Variants in LAMA3 observed in about 807,000 individuals in gnomAD.
The protein encoded by LAMA3 is laminin subunit alpha 3.
In LAMA3, 281 loss-of-function variants were observed where a neutral mutation model predicts 402.0. The observed-to-expected ratio is 0.70, with a 90% CI of 0.63 to 0.77. The LOEUF (loss-of-function observed/expected upper bound fraction) is 0.77. LAMA3 is among the 30% of genes least tolerant of loss of function. The probability of loss-of-function intolerance (pLI) is 0.00; values close to 1 mark genes in which losing one functional copy is unlikely to be tolerated. For missense variants in LAMA3, 3,840 were observed against 4,215.5 expected, an observed-to-expected ratio of 0.91 and a Z score of 2.47; for synonymous variants, 1,431 against 1,558.4, an observed-to-expected ratio of 0.92 and a Z score of 1.93.
intron 2 of LAMA3, 90 bp from the exon 3 acceptor site, chr18:23,747,853 G>A: frequency 1.2e-6 from 1 of 819,724 alleles, no homozygotes; most frequent in Non-Finnish European, 2.2e-6. Flanking sequence ...GGTGGGACGT[G>A]TTGCCTTGGG....
At chr18:23,822,116 TGTGA>T (rs2063296728) in intron 19 of LAMA3, 132 bp from the exon 20 acceptor site, 13 of 870,562 alleles carry the variant, frequency 1.5e-5, no homozygotes, top group Non-Finnish European at 2.5e-5. Context: ...GTTGACTGAG[TGTGA>T]GTGTGTATGT....
At chr18:23,907,975 C>G in intron 54 of LAMA3, 40 bp downstream of exon 54, 3 of 1,592,270 alleles carry the variant, frequency 1.9e-6, no homozygotes, top group Non-Finnish European at 2.6e-6. Flanking sequence ...TAGCCATTCT[C>G]TCCATTGTTA....
intron 44 of LAMA3, among the ~76,000 whole-genome samples, chr18:23,897,486 G>A (rs1037640702): frequency 2.6e-5 from 4 of 152,242 alleles, no homozygotes; most frequent in Admixed American, 6.5e-5. Flanking sequence ...CTGCACACAC[G>A]CTGTTTGCCA....
At chr18:23,751,919 A>G (rs906471884) in intron 5 of LAMA3, among the ~76,000 whole-genome samples, 1 of 152,316 alleles carries the variant, frequency 6.6e-6, no homozygotes, top group East Asian at 1.9e-4. Context: ...ATTGGTTGCA[A>G]CCATAAAGTT....
chr18:23,872,487 C>A (rs904784655), intron 38 of LAMA3, among the ~76,000 whole-genome samples: 6 of 152,108 alleles, frequency 3.9e-5, no homozygotes, highest in African/African-American at 1.4e-4. Context: ...TCCATAAGTA[C>A]GTAGGCTTAG....
In LAMA3 at chr18:23,867,884, C is replaced by T. The variant is rs751767962; in HGVS notation, c.4734C>T (p.Asp1578=). ...IYEETNTPRP[D]RLHHGRVHVV... is the part of the protein sequence containing the mutation. ...AGGAGACAAACACCCCACGGCCAGA[C>T]CGGCTGCATCATGGACGAGTGCACG... The change falls in exon 37 of 75, where the codon GAC becomes GAT. Residue 1578 remains aspartate (D), a synonymous_variant. Transcript: ENST00000313654. The T allele has an allele frequency of 7.4e-6, 12 of 1,614,070 alleles. No homozygotes were observed. In the East Asian group the frequency reaches 2.7e-4, roughly 36 times the overall value.
At chr18:23,866,005 G>A (rs2064347988) in intron 36 of LAMA3, among the ~76,000 whole-genome samples, 1 of 152,180 alleles carries the variant, frequency 6.6e-6, no homozygotes, top group Non-Finnish European at 1.5e-5. Flanking sequence ...GCTAATTTTT[G>A]TATTTTCTTT....
intron 8 of LAMA3, 88 bp downstream of exon 8, chr18:23,763,611 T>A: frequency 1.2e-6 from 1 of 868,146 alleles, no homozygotes; most frequent in Non-Finnish European, 2.0e-6. Flanking sequence ...GTCAAGAAAG[T>A]GGCAGGCAAT....
intron 70 of LAMA3, 149 bp from the exon 71 acceptor site, chr18:23,949,616 G>A: frequency 1.3e-6 from 1 of 792,890 alleles, no homozygotes; most frequent in South Asian, 1.5e-5. Context: ...TAGAACCTGA[G>A]TTTGAAGAAC....
chr18:23,882,154 G>A (rs2064920677), intron 40 of LAMA3, 109 bp downstream of exon 40: 7 of 736,552 alleles, frequency 9.5e-6, no homozygotes, highest in Middle Eastern at 2.4e-4. Context: ...TTACCAAAGG[G>A]TCTGGGATTT....
At chr18:23,898,443 A>C in intron 44 of LAMA3, 1 of 356,856 alleles carries the variant, frequency 2.8e-6, no homozygotes, top group South Asian at 4.2e-5. Flanking sequence ...GAATCTGGAA[A>C]TTAATCAGGT....
chr18:23,895,040 C>G lies in LAMA3; in HGVS notation c.5595C>G (p.Thr1865=), dbSNP rs2080830807. 4 of 1,605,386 alleles carry G rather than the reference C, an allele frequency of 2.5e-6. No individual in the cohort carries two copies. Among genetic ancestry groups the G allele is most frequent in the Non-Finnish European group, 3.4e-6 (4 of 1,175,982 alleles). The change falls in exon 44 of 75, where the codon ACC becomes ACG. Residue 1865 remains threonine, a synonymous_variant. Coordinates refer to ENST00000313654, the MANE Select transcript of LAMA3 (RefSeq NM_198129.4). Reference sequence around the variant, plus strand: ...TGGAGCAGATGAGGCACATGGAGACCCAGGCCAAGGACCTGAGGGTAAATC... The same window carrying G: ...TGGAGCAGATGAGGCACATGGAGACGCAGGCCAAGGACCTGAGGGTAAATC... ...GLLEQMRHME[T]QAKDLRNQLL... is the part of the protein sequence containing the mutation.
At chr18:23,690,872 A>ATTATTTATTTATTTAT (rs10665618) in intron 1 of LAMA3, among the ~76,000 whole-genome samples, 84 of 136,992 alleles carry the variant, frequency 6.1e-4, no homozygotes, top group South Asian at 9.7e-4. Context: ...AGGCCTGGCA[A>ATTATTTATTTATTTAT]TTATTTATTT....
intron 12 of LAMA3, among the ~76,000 whole-genome samples, chr18:23,801,380 A>G (rs1385472547): frequency 1.3e-5 from 2 of 152,280 alleles, no homozygotes; most frequent in East Asian, 3.9e-4. Flanking sequence ...TTTTGGTTTC[A>G]TACACCAAAC....
intron 2 of LAMA3, among the ~76,000 whole-genome samples, chr18:23,730,922 ACT>A (rs2061384197): frequency 6.6e-6 from 1 of 151,942 alleles, no homozygotes; most frequent in Non-Finnish European, 1.5e-5. Context: ...TCTGCGGAAG[ACT>A]CTGAAACTTT....
intron 2 of LAMA3, among the ~76,000 whole-genome samples, chr18:23,720,802 G>A (rs2061197247): frequency 6.6e-6 from 1 of 152,102 alleles, no homozygotes; most frequent in Non-Finnish European, 1.5e-5. Flanking sequence ...TTAATTTGGG[G>A]TGCTTTGAAG....
intron 1 of LAMA3, among the ~76,000 whole-genome samples, chr18:23,699,645 A>C (rs2060755552): frequency 6.6e-6 from 1 of 152,230 alleles, no homozygotes; most frequent in Non-Finnish European, 1.5e-5. Context: ...TTAATTGGGC[A>C]GGCCTAGATG....
intron 2 of LAMA3, among the ~76,000 whole-genome samples, chr18:23,743,605 C>T (rs2061600130): frequency 6.6e-6 from 1 of 152,190 alleles, no homozygotes; most frequent in Non-Finnish European, 1.5e-5. Context: ...TCAGAGGACA[C>T]CCTCTTGTCT....
intron 1 of LAMA3, among the ~76,000 whole-genome samples, chr18:23,696,376 C>A (rs368297674): frequency 5.9e-5 from 9 of 152,176 alleles, no homozygotes; most frequent in African/African-American, 2.2e-4. Context: ...TTGTTATAAA[C>A]TTATTGAGTT....
Sources: gnomAD v4.1 joint callset for allele counts (sites outside exome capture counted in the v4.1 genomes callset) on GRCh38, gnomAD v4.1.1 for gene constraint, MANE v1.5 for transcripts, NCBI Gene and HGNC (gene_info 2026-07-23, HGNC 2026-07-21) for gene names.